TNNI1: variants seen among roughly 807,000 people sequenced by gnomAD.
The protein encoded by TNNI1 is troponin I, slow skeletal muscle.
TNNI1 carries 14 observed loss-of-function variants against 26.7 expected under a neutral mutation model. That is an observed-to-expected ratio of 0.52 (90% CI 0.35 to 0.82). The LOEUF is 0.82. Among genes scored for constraint, TNNI1 ranks in the 40% least tolerant of loss-of-function variants. The pLI is 0.01. For missense variants in TNNI1, 164 were observed against 257.0 expected, an observed-to-expected ratio of 0.64 and a Z score of 2.47; for synonymous variants, 79 against 98.2, an observed-to-expected ratio of 0.80 and a Z score of 1.16.
At position 201,410,204 on chromosome 1, in the gene TNNI1, T is replaced by C. The variant is rs929153320; in HGVS notation, c.*2+122A>G. ...GGAGAGCCGACTCAAATCAGTCTCA[T>C]CGGTGCCTTAGTCCGTGCATCCGTG... is the stretch of plus-strand genomic sequence containing the variant. On this transcript the variant is annotated intron_variant, in intron 8 of 8. Coordinates refer to ENST00000361379, the MANE Select transcript of TNNI1 (RefSeq NM_003281.4). 5 of 775,692 alleles carry C rather than the reference T, an allele frequency of 6.4e-6. 1 individual carries two copies. The highest frequency in any genetic ancestry group is 2.5e-4 in the Middle Eastern group (1 of 4,010). The allele number at this position is 775,692 out of a possible 1,614,324, so 48.1% of individuals were successfully genotyped here.
chr1:201,414,170 C>A (rs1662691088), intron 5 of TNNI1, among the ~76,000 whole-genome samples: 1 of 152,114 alleles, frequency 6.6e-6, no homozygotes, highest in African/African-American at 2.4e-5. Flanking sequence ...CATTGAAGAC[C>A]AAATTCTAGG....
intron 3 of TNNI1, among the ~76,000 whole-genome samples, chr1:201,415,575 ACC>A (rs5780068): frequency 8.6e-5 from 13 of 151,074 alleles, no homozygotes; most frequent in Admixed American, 7.2e-4. Flanking sequence ...GGATATTAGG[ACC>A]CCCCCCCTTA....
In TNNI1 at chr1:201,408,703, C is replaced by T. The variant is rs958092767; in HGVS notation, c.*550G>A. Reference sequence around the variant, plus strand: ...GTCACAGGGACTGGGCAGAAGGGGCCCCAGGGGACCCTGGCAAGCAGCCAC... The same window carrying T: ...GTCACAGGGACTGGGCAGAAGGGGCTCCAGGGGACCCTGGCAAGCAGCCAC... On this transcript the variant is annotated 3_prime_UTR_variant, in exon 9 of 9. Coordinates refer to ENST00000361379, the MANE Select transcript of TNNI1 (RefSeq NM_003281.4). 2 of 152,258 alleles carry T rather than the reference C, an allele frequency of 1.3e-5. No individual in the cohort carries two copies. The highest frequency in any genetic ancestry group is 4.8e-5 in the African/African-American group (2 of 41,354). 9.4% of individuals were successfully genotyped at this position (152,258 alleles called of 1,614,324 possible).
intron 5 of TNNI1, among the ~76,000 whole-genome samples, chr1:201,413,701 C>T (rs3861930): frequency 0.42 from 64,096 of 151,756 alleles, 14,153 homozygotes; most frequent in East Asian, 0.58. Flanking sequence ...GCCAAGATCA[C>T]GCCACTGCAC....
rs765388177 is a variant in TNNI1, at chr1:201,408,374, G to C, written c.*879C>G. The C allele has an allele frequency of 6.5e-6, 1 of 152,762 alleles. No individual in the cohort carries two copies. Among genetic ancestry groups the C allele is most frequent in the African/African-American group, 2.4e-5 (1 of 41,448 alleles). The allele number at this position is 152,762 out of a possible 1,614,324, so 9.5% of individuals were successfully genotyped here. A position where few individuals can be genotyped will look rare whatever the true frequency, so the allele number is the denominator to read the frequency against. Reference sequence around the variant, plus strand: ...CGGAGGGACAGGAGAGCCCAGGAGAGAAGGAAGGCGTCACCTGGTGGCCAG... The same window carrying C: ...CGGAGGGACAGGAGAGCCCAGGAGACAAGGAAGGCGTCACCTGGTGGCCAG... On this transcript the variant is annotated 3_prime_UTR_variant, in exon 9 of 9. Coordinates refer to ENST00000361379, the MANE Select transcript of TNNI1 (RefSeq NM_003281.4).
Position 201,405,277 on chromosome 1 carries a change from G to A in TNNI1, c.*3976C>T, listed in dbSNP as rs1268007416. 6.5e-6 allele frequency: 1 copy of A among 152,682 alleles called. No individual in the cohort carries two copies. Among genetic ancestry groups the A allele is most frequent in the African/African-American group, 2.4e-5 (1 of 41,434 alleles). 9.5% of individuals were successfully genotyped at this position (152,682 alleles called of 1,614,324 possible). ...TCTGGGCCAGTGCTATGGGGTTTTC[G>A]AGGCTCACCCTGCTCAGCCTTCGTC... On this transcript the variant is annotated 3_prime_UTR_variant, in exon 9 of 9. Transcript: ENST00000361379.
At chr1:201,421,262 A>C (rs1413758051) in intron 1 of TNNI1, among the ~76,000 whole-genome samples, 1 of 152,106 alleles carries the variant, frequency 6.6e-6, no homozygotes, top group Non-Finnish European at 1.5e-5. Context: ...CTTCCGCTGC[A>C]GGCATTGCTG....
chr1:201,417,750 C>G, intron 2 of TNNI1, 33 bp downstream of exon 2: 1 of 1,313,742 alleles, frequency 7.6e-7, no homozygotes, highest in South Asian at 3.2e-5. Flanking sequence ...GACTTGCCTT[C>G]CTGGGGCCCC....
rs1250412056 is a variant in TNNI1, at chr1:201,415,560, A to G, written c.16-306T>C. 2.9e-5 allele frequency among the ~76,000 whole-genome samples: 3 copies of G among 102,816 alleles called. No homozygotes were observed. The East Asian group carries it at 7.8e-4, about 27-fold the overall frequency. 67.5% of individuals were successfully genotyped at this position (102,816 alleles called of 152,430 possible). ...ACAGGCACCTCCTTCCTCATCTGTA[A>G]ATAAGGATATTAGGACCCCCCCCCT... On this transcript the variant is annotated intron_variant, in intron 3 of 8. Coordinates refer to ENST00000361379, the MANE Select transcript of TNNI1 (RefSeq NM_003281.4).
Position 201,413,072 on chromosome 1 carries a change from C to T in TNNI1, c.239G>A (p.Arg80Gln), listed in dbSNP as rs202218355. The T allele has an allele frequency of 2.0e-5, 32 of 1,613,996 alleles. No individual in the cohort carries two copies. The highest frequency in any genetic ancestry group is 2.1e-5 in the Non-Finnish European group (25 of 1,179,988). ...GAGGCATTTGGCCTCAATGTCGTAT[C>T]GCTCCTCATCCACCACCTCCACCTT... ...HAKVEVVDEE[R>Q]YDIEAKCLHN... is the part of the protein sequence containing the mutation. The change falls in exon 6 of 9, where the codon CGA (arginine) becomes CAA (glutamine). Residue 80 changes from arginine (R) to glutamine (Q), a missense_variant. Arg to Gln is a conservative substitution (Grantham distance 43). This residue lies in a region of TNNI1 where 117 missense variants were observed against 158.7 expected (regional missense o/e 0.74). Transcript: ENST00000361379.
At chr1:201,421,376 C>T (rs1662853829) in intron 1 of TNNI1, among the ~76,000 whole-genome samples, 2 of 152,158 alleles carry the variant, frequency 1.3e-5, no homozygotes, top group African/African-American at 2.4e-5. Context: ...AAACATCATC[C>T]CTTAGGCTCT....
rs1393469108 is a variant in TNNI1, at chr1:201,415,638, C to T, written c.16-384G>A. Among the ~76,000 whole-genome samples the T allele has an allele frequency of 2.0e-5, 3 of 152,106 alleles. No individual in the cohort carries two copies. In the South Asian group the frequency reaches 6.2e-4, roughly 32 times the overall value. ...GAAATGAGATCATGGATGTGCAAAT[C>T]CTTTGAAAATCGTAAAAGCTATGTG... is the stretch of plus-strand genomic sequence containing the variant. On this transcript the variant is annotated intron_variant, in intron 3 of 8. Transcript: ENST00000361379.
chr1:201,412,059 T>C (rs1662644154), intron 6 of TNNI1, among the ~76,000 whole-genome samples: 1 of 152,218 alleles, frequency 6.6e-6, no homozygotes. Context: ...GCACATTTGC[T>C]GATAAACGGA....
chr1:201,414,429 GT>G, intron 5 of TNNI1, 88 bp downstream of exon 5: 2 of 1,178,906 alleles, frequency 1.7e-6, no homozygotes, highest in South Asian at 1.6e-5. Flanking sequence ...TTGAGCTGGT[GT>G]TAGTTCAGGC....
rs988741995 is a variant in TNNI1 at position 201,411,155 on chromosome 1, A to G, written c.456+202T>C. Among the ~76,000 whole-genome samples the G allele has an allele frequency of 2.6e-5, 4 of 152,178 alleles. No individual in the cohort carries two copies. Among genetic ancestry groups the G allele is most frequent in the Non-Finnish European group, 4.4e-5 (3 of 68,022 alleles). ...CTTTATGTCCTAGTTTCTTCGTCAG[A>G]CTGGGAACAGCCTGAAGGAAGGGAG... On this transcript the variant is annotated intron_variant, in intron 7 of 8. Transcript: ENST00000361379. The surrounding 1 kb of genome is among the most constrained non-coding windows in gnomAD (Gnocchi z 4.6).
chr1:201,421,431 C>T (rs1467208052), intron 1 of TNNI1, among the ~76,000 whole-genome samples: 2 of 152,232 alleles, frequency 1.3e-5, no homozygotes, highest in Admixed American at 6.5e-5. Context: ...CTGCTCCTTG[C>T]TCACAGCCTC....
chr1:201,418,507 T>A (rs1221917749), intron 1 of TNNI1, among the ~76,000 whole-genome samples: 1 of 150,216 alleles, frequency 6.7e-6, no homozygotes, highest in African/African-American at 2.4e-5. Context: ...TGTAGCTCAC[T>A]CATGAGGGCC....
At chr1:201,410,643 G>A (rs1258370386) in intron 7 of TNNI1, among the ~76,000 whole-genome samples, 1 of 152,186 alleles carries the variant, frequency 6.6e-6, no homozygotes, top group Non-Finnish European at 1.5e-5. Flanking sequence ...TGTGGCTTGG[G>A]AGCACTGGGT....
chr1:201,414,817 A>G (rs576449944), intron 4 of TNNI1, among the ~76,000 whole-genome samples, 168 bp from the exon 5 acceptor site: 1 of 152,368 alleles, frequency 6.6e-6, no homozygotes, highest in African/African-American at 2.4e-5. Context: ...CAGTGGCTGC[A>G]CACAATGTTC....
Sources: gnomAD v4.1 joint callset for allele counts (sites outside exome capture counted in the v4.1 genomes callset) on GRCh38, gnomAD v4.1.1 for gene constraint, gnomAD v4.1.1 regional missense constraint, Gnocchi (gnomAD v3.1) non-coding constraint, MANE v1.5 for transcripts, NCBI Gene and HGNC (gene_info 2026-07-23, HGNC 2026-07-21) for gene names.